The following SBNO2 variants were observed in gnomAD, a reference collection of about 807,000 sequenced individuals.
The protein encoded by SBNO2 is strawberry notch homolog 2, also known as protein strawberry notch homolog 2.
Under a neutral mutation model 146.3 loss-of-function variants are expected in SBNO2, and 89 were observed. That is an observed-to-expected ratio of 0.61 (90% CI 0.51 to 0.73). The LOEUF (loss-of-function observed/expected upper bound fraction) is 0.73. Ranked by LOEUF, SBNO2 falls within the 30% of genes least tolerant of loss-of-function variation. SBNO2 has a pLI of 0.00. For missense variants in SBNO2, 2,092 were observed against 2,003.7 expected (o/e 1.04, Z -0.84); for synonymous variants, 1,147 against 892.6 (o/e 1.29, Z -5.08).
rs773391842 is a variant in SBNO2 at position 1,108,198 on chromosome 19, G to T, written c.*22C>A. 2.7e-5 allele frequency: 41 copies of T among 1,522,276 alleles called. No individual in the cohort carries two copies. In the South Asian group the frequency reaches 4.9e-4, roughly 18 times the overall value. 94.3% of individuals were successfully genotyped at this position (1,522,276 alleles called of 1,614,324 possible). ...GGAGAAACGGTCCCTGTGTCTTGGG[G>T]CATGTTTCGCCTAAAGGCGTGTCAG... On this transcript the variant is annotated 3_prime_UTR_variant, in exon 32 of 32. Coordinates refer to ENST00000361757, the MANE Select transcript of SBNO2 (RefSeq NM_014963.3).
chr19:1,141,024 G>A (rs978289350), intron 4 of SBNO2, among the ~76,000 whole-genome samples: 1 of 145,764 alleles, frequency 6.9e-6, no homozygotes, highest in Non-Finnish European at 1.5e-5. Context: ...GACACACCCT[G>A]GAGAAGACGC....
In SBNO2 at chr19:1,144,678, A is replaced by G. The variant is rs1012640901; in HGVS notation, c.279+2631T>C. On this transcript the variant is annotated intron_variant, in intron 4 of 31. Coordinates refer to ENST00000361757, the MANE Select transcript of SBNO2 (RefSeq NM_014963.3). The surrounding 1 kb of genome is among the most constrained non-coding windows in gnomAD (Gnocchi z 4.1). ...GAGGCAGAGAGGGAAACAGACGAAGACAGAGAGGGCGACAGAGACAGAGAG... is the reference window on the plus strand; with the variant it reads ...GAGGCAGAGAGGGAAACAGACGAAGGCAGAGAGGGCGACAGAGACAGAGAG... 1.3e-5 allele frequency among the ~76,000 whole-genome samples: 2 copies of G among 151,898 alleles called. No homozygotes were observed. Among genetic ancestry groups the G allele is most frequent in the Non-Finnish European group, 2.9e-5 (2 of 67,970 alleles).
intron 11 of SBNO2, among the ~76,000 whole-genome samples, chr19:1,121,833 G>A (rs867009225): frequency 6.6e-6 from 1 of 152,164 alleles, no homozygotes; most frequent in Admixed American, 6.5e-5. Flanking sequence ...AAACCAAGCC[G>A]GAGCCCTGTG....
chr19:1,154,199 G>T lies in SBNO2; in HGVS notation c.78C>A (p.Ser26Arg). ...TGGGGCTCACCTGCAGGGGCGGCGG[G>T]CTGTACAGGAGGCTGCCCGCCGGCG... ...EPPPAGSLLYSPPPLQSAMLH... is the reference protein window; with the variant it reads ...EPPPAGSLLYRPPPLQSAMLH... The change falls in exon 2 of 32, where the codon AGC (serine) becomes AGA (arginine). Residue 26 changes from serine to arginine, a missense_variant. Coordinates refer to ENST00000361757, the MANE Select transcript of SBNO2 (RefSeq NM_014963.3). The T allele has an allele frequency of 8.0e-7, 1 of 1,248,144 alleles. No homozygotes were observed. The highest frequency in any genetic ancestry group is 1.0e-6 in the Non-Finnish European group (1 of 995,772). The allele number at this position is 1,248,144 out of a possible 1,614,324, so 77.3% of individuals were successfully genotyped here. A position where few individuals can be genotyped will look rare whatever the true frequency, so the allele number is the denominator to read the frequency against.
In SBNO2 at chr19:1,147,435, G is replaced by T. The variant is rs373067455; in HGVS notation, c.168-15C>A. The T allele has an allele frequency of 9.3e-4, 1,194 of 1,277,278 alleles. 118 individuals carry two copies. Among genetic ancestry groups the T allele is most frequent in the Non-Finnish European group, 1.2e-3 (1,125 of 935,202 alleles). 79.1% of individuals were successfully genotyped at this position (1,277,278 alleles called of 1,614,324 possible). A position where few individuals can be genotyped will look rare whatever the true frequency, so the allele number is the denominator to read the frequency against. On this transcript the variant is annotated splice_polypyrimidine_tract_variant and intron_variant, in intron 3 of 31. Coordinates refer to ENST00000361757, the MANE Select transcript of SBNO2 (RefSeq NM_014963.3). ...TCATGAACGGGCTGGAGGGAGATGGGGGGGGGGGAGGTGAGATGGGGTGCT... is the reference window on the plus strand; with the variant it reads ...TCATGAACGGGCTGGAGGGAGATGGTGGGGGGGGAGGTGAGATGGGGTGCT...
At chr19:1,130,904 C>A (rs767859479) in intron 4 of SBNO2, among the ~76,000 whole-genome samples, 1 of 152,190 alleles carries the variant, frequency 6.6e-6, no homozygotes, top group African/African-American at 2.4e-5. Flanking sequence ...TCCTTCCCAG[C>A]ACAGGACACC....
At chr19:1,172,782 C>G (rs974925837) in intron 1 of SBNO2, among the ~76,000 whole-genome samples, 1 of 84,414 alleles carries the variant, frequency 1.2e-5, no homozygotes, top group Non-Finnish European at 2.4e-5. Flanking sequence ...GCAACCGCCC[C>G]CCCCGCCCCG....
At chr19:1,153,504 G>A (rs759854032) in intron 2 of SBNO2, among the ~76,000 whole-genome samples, 6 of 151,868 alleles carry the variant, frequency 4.0e-5, no homozygotes, top group Non-Finnish European at 7.4e-5. Context: ...CTCTGAAAGT[G>A]CTAGGATTAC....
intron 2 of SBNO2, among the ~76,000 whole-genome samples, chr19:1,152,132 G>C (rs972447220): frequency 6.6e-6 from 1 of 152,226 alleles, no homozygotes. Context: ...AGCAAAGCCG[G>C]TTACGCGCAC....
rs754828214 is a variant in SBNO2 at position 1,116,846 on chromosome 19, G to A, written c.1785C>T (p.Cys595=). ...VLGENDGHLN[C]FVSAAEGVFL... ...ACACTTACTCAGCGGCCGAGACGAA[G>A]CAGTTGAGGTGCCCATCGTTCTCCC... is the stretch of plus-strand genomic sequence containing the variant. The change falls in exon 16 of 32, where the codon TGC becomes TGT. Residue 595 remains cysteine, a synonymous_variant. Coordinates refer to ENST00000361757, the MANE Select transcript of SBNO2 (RefSeq NM_014963.3). 1.3e-6 allele frequency: 2 copies of A among 1,590,764 alleles called. No homozygotes were observed. Among genetic ancestry groups the A allele is most frequent in the East Asian group, 4.6e-5 (2 of 43,754 alleles).
Position 1,122,263 on chromosome 19 carries a change from G to A in SBNO2, c.1025C>T (p.Thr342Ile). 6.3e-7 allele frequency: 1 copy of A among 1,574,958 alleles called. No individual in the cohort carries two copies. The highest frequency in any genetic ancestry group is 8.6e-7 in the Non-Finnish European group (1 of 1,160,172). ...ALSKIKYGDT[T>I]TSEGVLFATY... ...GGCGAAGAGGACGCCCTCTGAGGTA[G>A]TGGTGTCACCGTACTTGATCTGGGG... Residue 342 changes from threonine to isoleucine, a missense_variant, in exon 11 of 32, where the codon ACT becomes ATT. Coordinates refer to ENST00000361757, the MANE Select transcript of SBNO2 (RefSeq NM_014963.3).
chr19:1,122,491 T>A lies in SBNO2; in HGVS notation c.982A>T (p.Ile328Phe). The A allele has an allele frequency of 6.4e-7, 1 of 1,573,658 alleles. No individual in the cohort carries two copies. The highest frequency in any genetic ancestry group is 8.6e-7 in the Non-Finnish European group (1 of 1,161,646). Residue 328 changes from isoleucine (I) to phenylalanine (F), a missense_variant, in exon 10 of 32, where the codon ATC (isoleucine) becomes TTC (phenylalanine). Ile to Phe is a conservative substitution (Grantham distance 21). Coordinates refer to ENST00000361757, the MANE Select transcript of SBNO2 (RefSeq NM_014963.3). ...RDLRDIEATG[I>F]AVHALSKIKY... ...ACCTTGCTGAGCGCGTGCACCGCGA[T>A]GCCCGTGGCTTCGATGTCCCGCAGG...
At position 1,147,431 on chromosome 19, in the gene SBNO2, A is replaced by ACGGGGG. The variant is rs778909029; in HGVS notation, c.168-12_168-11insCCCCCG. The ACGGGGG allele has an allele frequency of 1.2e-5, 7 of 591,886 alleles. No individual in the cohort carries two copies. The highest frequency in any genetic ancestry group is 8.2e-5 in the African/African-American group (3 of 36,554). The allele number at this position is 591,886 out of a possible 1,614,324, so 36.7% of individuals were successfully genotyped here. ...GAGCTCATGAACGGGCTGGAGGGAG[A>ACGGGGG]TGGGGGGGGGGGAGGTGAGATGGGG... On this transcript the variant is annotated splice_polypyrimidine_tract_variant and intron_variant, in intron 3 of 31. Coordinates refer to ENST00000361757, the MANE Select transcript of SBNO2 (RefSeq NM_014963.3).
chr19:1,147,813 C>T (rs1219563512), intron 3 of SBNO2, among the ~76,000 whole-genome samples: 35 of 152,130 alleles, frequency 2.3e-4, no homozygotes, highest in Admixed American at 2.2e-3. Flanking sequence ...ACCTCACTCC[C>T]GCCTCGAAGG....
intron 7 of SBNO2, 77 bp downstream of exon 7, chr19:1,123,457 G>A (rs754153988): frequency 3.9e-5 from 47 of 1,210,050 alleles, no homozygotes; most frequent in East Asian, 1.4e-4. Context: ...CTGTGCGGGC[G>A]GTGGTCACCT....
At chr19:1,143,656 TTCCCC>T (rs1447851555) in intron 4 of SBNO2, among the ~76,000 whole-genome samples, 1 of 152,066 alleles carries the variant, frequency 6.6e-6, no homozygotes, top group East Asian at 1.9e-4. Context: ...GGGCCCCTTC[TTCCCC>T]CTTCACGGCC....
At chr19:1,129,559 G>A (rs533462140) in intron 4 of SBNO2, among the ~76,000 whole-genome samples, 8 of 152,248 alleles carry the variant, frequency 5.3e-5, no homozygotes, top group African/African-American at 9.6e-5. Context: ...TGGAGGCCCC[G>A]ATCGGCAGGG....
intron 4 of SBNO2, chr19:1,132,359 A>G: frequency 8.4e-7 from 1 of 1,188,108 alleles, no homozygotes; most frequent in Non-Finnish European, 1.1e-6. Flanking sequence ...AAGTCAGGGC[A>G]ATTACCGGCA....
chr19:1,114,131 C>CG (rs2079802373), intron 18 of SBNO2, 100 bp downstream of exon 18: 2 of 1,144,008 alleles, frequency 1.7e-6, no homozygotes, highest in Non-Finnish European at 2.4e-6. Flanking sequence ...GCCAGGAGGC[C>CG]GGGGGAGCCT....
Sources: allele counts gnomAD v4.1 joint callset (sites outside exome capture counted in the v4.1 genomes callset), GRCh38; gene constraint gnomAD v4.1.1; non-coding constraint Gnocchi (gnomAD v3.1); transcripts MANE v1.5; gene names NCBI Gene and HGNC (gene_info 2026-07-23, HGNC 2026-07-21).